TSHZ2: variants seen among roughly 807,000 people sequenced by gnomAD.
The protein encoded by TSHZ2 is teashirt zinc finger homeobox 2, also known as teashirt homolog 2.
TSHZ2 carries 21 observed loss-of-function variants against 74.4 expected under a neutral mutation model. The ratio of observed to expected loss-of-function variants is 0.28; its 90% confidence interval spans 0.20 to 0.41. The LOEUF is 0.41. Ranked by LOEUF, TSHZ2 falls within the 10% of genes least tolerant of loss-of-function variation. The pLI is 1.00. For synonymous variants in TSHZ2, 540 were observed against 515.3 expected (o/e 1.05, Z -0.65); for missense variants, 1,244 against 1,293.5 (o/e 0.96, Z 0.59).
chr20:53,492,405 A>G lies in TSHZ2; in HGVS notation c.*5270A>G, dbSNP rs1242858933. 1 of 152,236 alleles carries G rather than the reference A, an allele frequency of 6.6e-6. No homozygotes were observed. The highest frequency in any genetic ancestry group is 1.5e-5 in the Non-Finnish European group (1 of 68,042). The allele number at this position is 152,236 out of a possible 1,614,324, so 9.4% of individuals were successfully genotyped here. On this transcript the variant is annotated 3_prime_UTR_variant, in exon 3 of 3. Transcript: ENST00000371497. ...ATATTACAAACATTCCAGTTTCGCAATACAATACTTGAGCTTTCGAACACC... is the reference window on the plus strand; with the variant it reads ...ATATTACAAACATTCCAGTTTCGCAGTACAATACTTGAGCTTTCGAACACC...
Position 53,488,986 on chromosome 20 carries a change from C to T in TSHZ2, c.*1851C>T. 1 of 456,004 alleles carries T rather than the reference C, an allele frequency of 2.2e-6. No homozygotes were observed. The highest frequency in any genetic ancestry group is 4.4e-6 in the Non-Finnish European group (1 of 226,912). 28.2% of individuals were successfully genotyped at this position (456,004 alleles called of 1,614,324 possible). On this transcript the variant is annotated 3_prime_UTR_variant, in exon 3 of 3. Transcript: ENST00000371497. ...AAGGAGGGAAAAAGTAAATGAAGTT[C>T]CAGGAATGTCATTCTGAAGTAATGA...
At chr20:53,226,319 C>T (rs992889638) in intron 1 of TSHZ2, among the ~76,000 whole-genome samples, 1 of 152,084 alleles carries the variant, frequency 6.6e-6, no homozygotes, top group African/African-American at 2.4e-5. Flanking sequence ...AAAATATTTC[C>T]CCTGCACAGT....
At chr20:53,064,139 C>T (rs941916773) in intron 1 of TSHZ2, among the ~76,000 whole-genome samples, 1 of 152,160 alleles carries the variant, frequency 6.6e-6, no homozygotes, top group Non-Finnish European at 1.5e-5. Flanking sequence ...GTATTTATGA[C>T]ACCACCACTT....
chr20:53,418,391 C>T (rs1156527082), intron 2 of TSHZ2, among the ~76,000 whole-genome samples: 3 of 152,060 alleles, frequency 2.0e-5, no homozygotes, highest in East Asian at 1.9e-4. Flanking sequence ...TTCACACTGC[C>T]GATAAGGATA....
At position 53,165,093 on chromosome 20, in the gene TSHZ2, GTGGA is replaced by G. The variant is rs536305001; in HGVS notation, c.41-88378_41-88375del. On this transcript the variant is annotated intron_variant, in intron 1 of 2. Coordinates refer to ENST00000371497, the MANE Select transcript of TSHZ2 (RefSeq NM_173485.6). ...GATGGATAGATGAGTGGATGGAAGG[GTGGA>G]TGGATGGATGGATGGATGGATGGAT... Among the ~76,000 whole-genome samples the G allele has an allele frequency of 2.0e-3, 300 of 151,936 alleles. 2 individuals carry two copies. The highest frequency in any genetic ancestry group is 2.1e-3 in the Non-Finnish European group (141 of 67,976).
chr20:53,097,001 T>G (rs897122782), intron 1 of TSHZ2, among the ~76,000 whole-genome samples: 1 of 152,140 alleles, frequency 6.6e-6, no homozygotes, highest in African/African-American at 2.4e-5. Flanking sequence ...TTGACATCAT[T>G]TGGGGGCAGA....
chr20:53,238,565 G>T (rs896875916), intron 1 of TSHZ2, among the ~76,000 whole-genome samples: 1 of 152,082 alleles, frequency 6.6e-6, no homozygotes, highest in African/African-American at 2.4e-5. Context: ...AAGAGAGAAA[G>T]TTGTCATATG....
chr20:53,101,463 A>G (rs1053945921), intron 1 of TSHZ2, among the ~76,000 whole-genome samples: 3 of 152,220 alleles, frequency 2.0e-5, no homozygotes, highest in African/African-American at 7.2e-5. Flanking sequence ...TTCTTGGTAG[A>G]AGCCAGGAAA....
At chr20:53,020,071 C>T (rs1482836859) in intron 1 of TSHZ2, among the ~76,000 whole-genome samples, 7 of 152,102 alleles carry the variant, frequency 4.6e-5, no homozygotes, top group African/African-American at 1.7e-4. Flanking sequence ...ACTTTTAAAA[C>T]CGTGAGAGCT....
At chr20:53,203,314 C>G (rs929462704) in intron 1 of TSHZ2, among the ~76,000 whole-genome samples, 1 of 151,714 alleles carries the variant, frequency 6.6e-6, no homozygotes, top group Admixed American at 6.6e-5. Flanking sequence ...CCTGCCTCAG[C>G]TTCCTGAGTA....
At chr20:53,162,150 T>A (rs1156329764) in intron 1 of TSHZ2, among the ~76,000 whole-genome samples, 1 of 152,192 alleles carries the variant, frequency 6.6e-6, no homozygotes, top group Non-Finnish European at 1.5e-5. Context: ...GAGTGTTTTG[T>A]GGATTGCATT....
chr20:53,431,610 T>C (rs1429221585), intron 2 of TSHZ2, among the ~76,000 whole-genome samples: 1 of 152,218 alleles, frequency 6.6e-6, no homozygotes, highest in African/African-American at 2.4e-5. Context: ...CATTGAATAT[T>C]TACAACAACC....
chr20:53,467,674 C>A (rs1037709756), intron 2 of TSHZ2, among the ~76,000 whole-genome samples: 1 of 152,066 alleles, frequency 6.6e-6, no homozygotes, highest in South Asian at 2.1e-4. Flanking sequence ...AACACATATA[C>A]CAAAGGAAAA....
intron 1 of TSHZ2, among the ~76,000 whole-genome samples, chr20:53,189,105 A>C (rs1568802872): frequency 6.6e-6 from 1 of 152,236 alleles, no homozygotes; most frequent in Non-Finnish European, 1.5e-5. Context: ...AATTATGACA[A>C]GGTGTACAAA....
intron 1 of TSHZ2, among the ~76,000 whole-genome samples, chr20:53,101,122 T>C (rs183370826): frequency 6.6e-6 from 1 of 152,228 alleles, no homozygotes; most frequent in African/African-American, 2.4e-5. Flanking sequence ...AATGCCGTTC[T>C]AAGGACATCT....
intron 1 of TSHZ2, among the ~76,000 whole-genome samples, chr20:53,055,744 C>T (rs1440989213): frequency 6.6e-6 from 1 of 152,160 alleles, no homozygotes; most frequent in Non-Finnish European, 1.5e-5. Context: ...CTAAATTCAC[C>T]AACTCCCAGC....
chr20:53,185,253 T>A, intron 1 of TSHZ2: 1 of 1,006,800 alleles, frequency 9.9e-7, no homozygotes, highest in Non-Finnish European at 1.2e-6. Flanking sequence ...GTAGAAGTGA[T>A]GCATAAAACC....
intron 2 of TSHZ2, among the ~76,000 whole-genome samples, chr20:53,332,676 C>T (rs1210529783): frequency 1.3e-5 from 2 of 152,170 alleles, no homozygotes; most frequent in Non-Finnish European, 2.9e-5. Flanking sequence ...GTGTGCTAAG[C>T]TAGTTCAGGC....
At chr20:53,050,163 A>ATATATATATACACATATATG (rs386394005) in intron 1 of TSHZ2, among the ~76,000 whole-genome samples, 2 of 132,234 alleles carry the variant, frequency 1.5e-5, no homozygotes, top group Non-Finnish European at 3.2e-5. Flanking sequence ...ACACATATAT[A>ATATATATATACACATATATG]TGTACATATA....
Sources: allele counts gnomAD v4.1 joint callset (sites outside exome capture counted in the v4.1 genomes callset), GRCh38; gene constraint gnomAD v4.1.1; transcripts MANE v1.5; gene names NCBI Gene and HGNC (gene_info 2026-07-23, HGNC 2026-07-21).